Variants in ST3GAL3 observed in about 807,000 individuals in gnomAD.
ST3GAL3 encodes ST3 beta-galactoside alpha-2,3-sialyltransferase 3.
A neutral mutation model predicts 50.1 loss-of-function variants in ST3GAL3; 21 were observed. That is an observed-to-expected ratio of 0.42 (90% CI 0.30 to 0.60). The LOEUF is 0.60. Among genes scored for constraint, ST3GAL3 ranks in the 20% least tolerant of loss-of-function variants. The pLI is 0.19. For missense variants in ST3GAL3, 353 were observed against 489.4 expected, an observed-to-expected ratio of 0.72 and a Z score of 2.63; for synonymous variants, 183 against 190.0, an observed-to-expected ratio of 0.96 and a Z score of 0.30.
At chr1:43,730,031 A>T (rs976623416) in intron 1 of ST3GAL3, among the ~76,000 whole-genome samples, 17 of 152,176 alleles carry the variant, frequency 1.1e-4, no homozygotes, top group African/African-American at 3.6e-4. Context: ...CATCTCTCAC[A>T]GGATCTCGGG....
intron 5 of ST3GAL3, chr1:43,851,314 G>T: frequency 1.9e-6 from 3 of 1,538,624 alleles, no homozygotes; most frequent in Admixed American, 1.7e-5. Flanking sequence ...CATCTGGCAG[G>T]TCCAGGCCCA....
In ST3GAL3 at chr1:43,710,095, T is replaced by A. The variant is rs536847831; in HGVS notation, c.-31+2402T>A. Among the ~76,000 whole-genome samples the A allele has an allele frequency of 2.0e-5, 3 of 152,274 alleles. No homozygotes were observed. The East Asian group carries it at 5.8e-4, about 29-fold the overall frequency. ...ACACTGTTTCTGGCATCTGCTTCTATTTTTGAGTCAGAGCCTCCCTCTGTT... is the reference window on the plus strand; with the variant it reads ...ACACTGTTTCTGGCATCTGCTTCTAATTTTGAGTCAGAGCCTCCCTCTGTT... On this transcript the variant is annotated intron_variant, in intron 1 of 11. Transcript: ENST00000347631.
intron 5 of ST3GAL3, among the ~76,000 whole-genome samples, chr1:43,885,413 A>G (rs1474301761): frequency 6.6e-6 from 1 of 151,928 alleles, no homozygotes; most frequent in Non-Finnish European, 1.5e-5. Flanking sequence ...CCCTGCTGAA[A>G]CCTGATCCTG....
At chr1:43,924,135 C>T (rs1299329385) in intron 11 of ST3GAL3, among the ~76,000 whole-genome samples, 1 of 152,142 alleles carries the variant, frequency 6.6e-6, no homozygotes, top group Non-Finnish European at 1.5e-5. Flanking sequence ...ACTTGGAAAT[C>T]TCATAGGAAG....
intron 2 of ST3GAL3, among the ~76,000 whole-genome samples, chr1:43,750,276 T>C (rs551853390): frequency 6.6e-6 from 1 of 152,334 alleles, no homozygotes; most frequent in African/African-American, 2.4e-5. Flanking sequence ...GCAATTTCTT[T>C]TAAAGTTCAG....
intron 4 of ST3GAL3, among the ~76,000 whole-genome samples, chr1:43,831,417 A>T (rs1466500772): frequency 6.6e-6 from 1 of 152,222 alleles, no homozygotes; most frequent in Non-Finnish European, 1.5e-5. Flanking sequence ...AGAGATACTT[A>T]TGTATTTGTT....
intron 1 of ST3GAL3, among the ~76,000 whole-genome samples, chr1:43,722,256 G>A (rs754157781): frequency 6.6e-6 from 1 of 151,976 alleles, no homozygotes; most frequent in Non-Finnish European, 1.5e-5. Context: ...CCTGACATTG[G>A]GAAGTAAATA....
rs1301251511 is a variant in ST3GAL3 at position 43,887,734 on chromosome 1, T to A, written c.303-6649T>A. 2.0e-5 allele frequency among the ~76,000 whole-genome samples: 3 copies of A among 152,180 alleles called. No individual in the cohort carries two copies. The East Asian group carries it at 5.8e-4, about 29-fold the overall frequency. On this transcript the variant is annotated intron_variant, in intron 5 of 11. Transcript: ENST00000347631. ...TATGGCAGAGTTGGTAGATGATCGC[T>A]TGAAACTTGGTAATAAAAGTGTTGG...
intron 5 of ST3GAL3, among the ~76,000 whole-genome samples, chr1:43,866,036 A>G (rs1345402523): frequency 6.6e-6 from 1 of 152,120 alleles, no homozygotes; most frequent in Non-Finnish European, 1.5e-5. Flanking sequence ...GGCCTTTTCC[A>G]GGGCTCCTGA....
chr1:43,721,101 C>T (rs1670194563), intron 1 of ST3GAL3, among the ~76,000 whole-genome samples: 2 of 151,840 alleles, frequency 1.3e-5, no homozygotes, highest in South Asian at 4.2e-4. Flanking sequence ...AAAAATCAGC[C>T]AGGTGTGGTA....
At chr1:43,858,588 GC>G (rs2069092572) in intron 5 of ST3GAL3, among the ~76,000 whole-genome samples, 1 of 152,158 alleles carries the variant, frequency 6.6e-6, no homozygotes, top group Admixed American at 6.5e-5. Context: ...CATGATCCTG[GC>G]CCTCCTCCTG....
intron 1 of ST3GAL3, among the ~76,000 whole-genome samples, chr1:43,712,354 C>T (rs1048956657): frequency 6.6e-6 from 1 of 152,182 alleles, no homozygotes; most frequent in Non-Finnish European, 1.5e-5. Flanking sequence ...CCTACGATCT[C>T]TTATTTTCAC....
intron 5 of ST3GAL3, among the ~76,000 whole-genome samples, chr1:43,849,440 T>G (rs2066877174): frequency 6.6e-6 from 1 of 152,212 alleles, no homozygotes; most frequent in African/African-American, 2.4e-5. Flanking sequence ...GAAATTAGTT[T>G]GAGTTCAAAT....
At chr1:43,890,951 A>G (rs2076606565) in intron 5 of ST3GAL3, among the ~76,000 whole-genome samples, 1 of 152,198 alleles carries the variant, frequency 6.6e-6, no homozygotes, top group Non-Finnish European at 1.5e-5. Flanking sequence ...TACAGGACAA[A>G]TAGCCTGTAT....
At chr1:43,857,526 C>A (rs1473913098) in intron 5 of ST3GAL3, among the ~76,000 whole-genome samples, 4 of 142,998 alleles carry the variant, frequency 2.8e-5, no homozygotes, top group Non-Finnish European at 6.2e-5. Flanking sequence ...TTCCTTCCCT[C>A]CTCCTTCCCT....
chr1:43,723,008 G>A (rs917473071), intron 1 of ST3GAL3, among the ~76,000 whole-genome samples: 1 of 152,052 alleles, frequency 6.6e-6, no homozygotes, highest in East Asian at 1.9e-4. Flanking sequence ...TCATGGGGGC[G>A]GATCCCTCAT....
intron 2 of ST3GAL3, among the ~76,000 whole-genome samples, chr1:43,777,377 A>G (rs1697668387): frequency 1.3e-5 from 2 of 152,192 alleles, no homozygotes; most frequent in Non-Finnish European, 2.9e-5. Context: ...ACTTCAAACT[A>G]TACTTCAAGG....
intron 5 of ST3GAL3, among the ~76,000 whole-genome samples, chr1:43,856,919 C>T (rs937224646): frequency 2.4e-4 from 36 of 151,964 alleles, no homozygotes; most frequent in Admixed American, 1.6e-3. Context: ...GGTGGAGCTG[C>T]GGTAGACATC....
intron 5 of ST3GAL3, among the ~76,000 whole-genome samples, chr1:43,882,904 C>A (rs2075369140): frequency 6.6e-6 from 1 of 152,126 alleles, no homozygotes; most frequent in African/African-American, 2.4e-5. Context: ...TCAGAGAAGA[C>A]CATGGTGCAT....
Sources: allele counts gnomAD v4.1 joint callset (sites outside exome capture counted in the v4.1 genomes callset), GRCh38; gene constraint gnomAD v4.1.1; transcripts MANE v1.5; gene names NCBI Gene and HGNC (gene_info 2026-07-23, HGNC 2026-07-21).